The following DNMT1 variants were observed in gnomAD, a reference collection of about 807,000 sequenced individuals.
The protein encoded by DNMT1 is DNA methyltransferase 1.
In DNMT1, 24 loss-of-function variants were observed where a neutral mutation model predicts 205.3. The observed-to-expected ratio is 0.12, with a 90% CI of 0.08 to 0.16. The LOEUF is 0.16. DNMT1 is among the 10% of genes least tolerant of loss of function. The probability of loss-of-function intolerance (pLI) is 1.00; values close to 1 mark genes in which losing one functional copy is unlikely to be tolerated. For synonymous variants in DNMT1, 817 were observed against 839.8 expected, an observed-to-expected ratio of 0.97 and a Z score of 0.47; for missense variants, 1,293 against 2,177.7, an observed-to-expected ratio of 0.59 and a Z score of 8.09.
chr19:10,145,138 G>A (rs1908912609), intron 28 of DNMT1, among the ~76,000 whole-genome samples: 1 of 152,216 alleles, frequency 6.6e-6, no homozygotes, highest in South Asian at 2.1e-4. Context: ...ATGGGAGTGT[G>A]GTCTGACTAG....
intron 9 of DNMT1, among the ~76,000 whole-genome samples, chr19:10,172,405 CAAAAAA>C (rs34495234): frequency 1.3e-5 from 1 of 76,428 alleles, no homozygotes; most frequent in South Asian, 3.8e-4. Flanking sequence ...GACTCCATCT[CAAAAAA>C]AAAAAAAAAA....
Position 10,140,619 on chromosome 19 carries a change from C to T in DNMT1, c.3523+162G>A, listed in dbSNP as rs1225743758. 10 of 1,276,814 alleles carry T rather than the reference C, an allele frequency of 7.8e-6. No individual in the cohort carries two copies. The highest frequency in any genetic ancestry group is 1.2e-5 in the South Asian group (1 of 80,428). The allele number at this position is 1,276,814 out of a possible 1,614,324, so 79.1% of individuals were successfully genotyped here. Reference sequence around the variant, plus strand: ...TCCTGACCTCATGATCCACCCACCTCGGCCTCCCAAAGTGCTGGGATTACA... The same window carrying T: ...TCCTGACCTCATGATCCACCCACCTTGGCCTCCCAAAGTGCTGGGATTACA... On this transcript the variant is annotated intron_variant, in intron 32 of 40. Coordinates refer to ENST00000359526, the MANE Select transcript of DNMT1 (RefSeq NM_001130823.3). The surrounding 1 kb of genome is among the most constrained non-coding windows in gnomAD (Gnocchi z 8.4).
chr19:10,168,497 T>C (rs538438109), intron 9 of DNMT1, 133 bp from the exon 10 acceptor site: 1 of 886,250 alleles, frequency 1.1e-6, no homozygotes, highest in Non-Finnish European at 1.8e-6. Context: ...TGTCTACCAG[T>C]GGGCACAGTA....
At chr19:10,141,474 T>C (rs116624544) in intron 30 of DNMT1, 89 of 448,718 alleles carry the variant, frequency 2.0e-4, no homozygotes, top group African/African-American at 1.4e-3. Context: ...TGCTGTCCAA[T>C]TGGGCTACCT....
At chr19:10,192,247 C>G (rs2039317784) in intron 1 of DNMT1, among the ~76,000 whole-genome samples, 1 of 151,930 alleles carries the variant, frequency 6.6e-6, no homozygotes. Flanking sequence ...GACTGTGCCA[C>G]TGCATTCCAG....
At chr19:10,149,252 G>A (rs1245330347) in intron 26 of DNMT1, among the ~76,000 whole-genome samples, 1 of 151,530 alleles carries the variant, frequency 6.6e-6, no homozygotes, top group Non-Finnish European at 1.5e-5. Flanking sequence ...TTGAACCCAG[G>A]AGGTGGAGGT....
rs1187348790 is a variant in DNMT1 at position 10,137,249 on chromosome 19, C to T, written c.4325G>A (p.Arg1442Gln). The T allele has an allele frequency of 2.5e-6, 4 of 1,609,584 alleles. No homozygotes were observed. Among genetic ancestry groups the T allele is most frequent in the East Asian group, 2.2e-5 (1 of 44,838 alleles). The change falls in exon 37 of 41, where the codon CGG (arginine) becomes CAG (glutamine). Residue 1442 changes from arginine (R) to glutamine (Q), a missense_variant. Arg to Gln is a conservative substitution (Grantham distance 43). Around this residue, in one of 13 missense-constraint regions of DNMT1, gnomAD observed 148 missense variants for 256.1 expected, o/e 0.58. Transcript: ENST00000359526. This position sits in a 1 kb window ranked among gnomAD's most constrained non-coding sequence, Gnocchi z 6.4. ...DMSALVAARM[R>Q]HIPLAPGSDW... is the part of the protein sequence containing the mutation. ...TGACCCTGGGGCCAAGGGGATGTGCCGCATGCGGGCAGCCACCAATGCACT... is the reference window on the plus strand; with the variant it reads ...TGACCCTGGGGCCAAGGGGATGTGCTGCATGCGGGCAGCCACCAATGCACT...
chr19:10,186,418 C>T (rs1420405282), intron 1 of DNMT1, among the ~76,000 whole-genome samples: 3 of 152,032 alleles, frequency 2.0e-5, no homozygotes, highest in Non-Finnish European at 4.4e-5. Context: ...CCAGGAGGGT[C>T]GCAGACAGCC....
intron 8 of DNMT1, 57 bp downstream of exon 8, chr19:10,173,814 G>A (rs2038876067): frequency 6.3e-7 from 1 of 1,599,068 alleles, no homozygotes; most frequent in South Asian, 1.1e-5. Flanking sequence ...AAAAAGTTTT[G>A]TGATCAAGAT....
At position 10,138,204 on chromosome 19, in the gene DNMT1, C is replaced by A. The variant is rs1012790442; in HGVS notation, c.4116-195G>T. Among the ~76,000 whole-genome samples the A allele has an allele frequency of 6.6e-5, 10 of 152,228 alleles. No homozygotes were observed. Among genetic ancestry groups the A allele is most frequent in the African/African-American group, 2.2e-4 (9 of 41,458 alleles). ...CTATGGCGTGGGCTTTGTGGATGAC[C>A]ACAGCCAAGCATGCGGCTGGCCGCT... is the stretch of plus-strand genomic sequence containing the variant. On this transcript the variant is annotated intron_variant, in intron 35 of 40. Transcript: ENST00000359526. This position sits in a 1 kb window ranked among gnomAD's most constrained non-coding sequence, Gnocchi z 4.1.
chr19:10,191,689 C>A (rs2039307658), intron 1 of DNMT1, among the ~76,000 whole-genome samples: 1 of 152,150 alleles, frequency 6.6e-6, no homozygotes, highest in Non-Finnish European at 1.5e-5. Context: ...GCAGCATCCA[C>A]TTTTAAGAAC....
At position 10,180,478 on chromosome 19, in the gene DNMT1, C is replaced by G; in HGVS notation, c.317G>C (p.Arg106Pro). The stretch of plus-strand genomic sequence containing the variant: ...TCTTGCTTGGTTCCCGTTTTCTAGA[C>G]GTCCATTCACTTCCCGGTTGTAAGC... ...AHAYNREVNG[R>P]LENGNQARSE... The change falls in exon 4 of 41, where the codon CGT becomes CCT. Residue 106 changes from arginine (R) to proline (P), a missense_variant. Coordinates refer to ENST00000359526, the MANE Select transcript of DNMT1 (RefSeq NM_001130823.3). The G allele has an allele frequency of 6.2e-7, 1 of 1,614,132 alleles. No homozygotes were observed. Among genetic ancestry groups the G allele is most frequent in the Non-Finnish European group, 8.5e-7 (1 of 1,180,038 alleles).
intron 27 of DNMT1, among the ~76,000 whole-genome samples, chr19:10,147,162 T>C (rs2038219326): frequency 6.6e-6 from 1 of 152,048 alleles, no homozygotes; most frequent in Non-Finnish European, 1.5e-5. Flanking sequence ...CTCAGGAGGC[T>C]GAGGCAGGAA....
chr19:10,162,617 G>A (rs62106242), intron 13 of DNMT1, 50 bp downstream of exon 13: 1 of 1,403,034 alleles, frequency 7.1e-7, no homozygotes, highest in Non-Finnish European at 9.6e-7. Flanking sequence ...ACCCCGTCTT[G>A]GGGAAAAAAA....
rs1391478333 is a variant in DNMT1 at position 10,154,153 on chromosome 19, C to T, written c.2019+140G>A. 4.5e-6 allele frequency: 4 copies of T among 892,680 alleles called. No individual in the cohort carries two copies. The highest frequency in any genetic ancestry group is 7.3e-6 in the Non-Finnish European group (4 of 544,546). 55.3% of individuals were successfully genotyped at this position (892,680 alleles called of 1,614,324 possible). Reference sequence around the variant, plus strand: ...ATGAAGTATGCAGGGTCCTCCCAGACCACTAACTAATTTCTGTCTCAGGGG... The same window carrying T: ...ATGAAGTATGCAGGGTCCTCCCAGATCACTAACTAATTTCTGTCTCAGGGG... On this transcript the variant is annotated intron_variant, in intron 22 of 40. Transcript: ENST00000359526. The surrounding 1 kb of genome is among the most constrained non-coding windows in gnomAD (Gnocchi z 6.3).
At position 10,140,648 on chromosome 19, in the gene DNMT1, G is replaced by A. The variant is rs1333521252; in HGVS notation, c.3523+133C>T. ...CTCCCAAAGTGCTGGGATTACAGGC[G>A]TGCGCCACCGTGCCTGGCCTCGGAA... On this transcript the variant is annotated intron_variant, in intron 32 of 40. Transcript: ENST00000359526. This position sits in a 1 kb window ranked among gnomAD's most constrained non-coding sequence, Gnocchi z 8.4. 2.1e-5 allele frequency: 31 copies of A among 1,509,132 alleles called. No individual in the cohort carries two copies. Among genetic ancestry groups the A allele is most frequent in the South Asian group, 1.4e-4 (12 of 87,850 alleles). The allele number at this position is 1,509,132 out of a possible 1,614,324, so 93.5% of individuals were successfully genotyped here.
Position 10,148,979 on chromosome 19 carries a change from G to A in DNMT1, c.2625C>T (p.Asp875=), listed in dbSNP as rs200928585. Residue 875 remains aspartate (D), a synonymous_variant, in exon 27 of 41, where the codon GAC becomes GAT. Coordinates refer to ENST00000359526, the MANE Select transcript of DNMT1 (RefSeq NM_001130823.3). ...ACAGCTGGTAGAAGTAGGTCTTCCC[G>A]TCGTCCCCCTCCAGCAGGGACTCGG... is the stretch of plus-strand genomic sequence containing the variant. ...MDPESLLEGD[D]GKTYFYQLWY... is the part of the protein sequence containing the mutation. 89 of 1,614,138 alleles carry A rather than the reference G, an allele frequency of 5.5e-5. No individual in the cohort carries two copies. Among genetic ancestry groups the A allele is most frequent in the East Asian group, 2.9e-4 (13 of 44,886 alleles).
intron 29 of DNMT1, among the ~76,000 whole-genome samples, chr19:10,143,196 C>G (rs917995216): frequency 6.6e-6 from 1 of 152,196 alleles, no homozygotes; most frequent in Non-Finnish European, 1.5e-5. Context: ...TTGGGAGGTT[C>G]TCTGGGGGTG....
At chr19:10,136,009 GCCTGGGGT>G (rs1470102513) in intron 38 of DNMT1, 104 bp downstream of exon 38, 47 of 1,522,644 alleles carry the variant, frequency 3.1e-5, no homozygotes, top group African/African-American at 4.3e-5. Context: ...GAGGCCAGGT[GCCTGGGGT>G]CCTGGGGTGC....
Sources: allele counts gnomAD v4.1 joint callset (sites outside exome capture counted in the v4.1 genomes callset), GRCh38; gene constraint gnomAD v4.1.1; regional missense constraint gnomAD v4.1.1; non-coding constraint Gnocchi (gnomAD v3.1); transcripts MANE v1.5; gene names NCBI Gene and HGNC (gene_info 2026-07-23, HGNC 2026-07-21).